Variants in TMEM259 observed in about 807,000 individuals in gnomAD.
TMEM259 encodes transmembrane protein 259.
A neutral mutation model predicts 46.7 loss-of-function variants in TMEM259; 26 were observed. The ratio of observed to expected loss-of-function variants is 0.56; its 90% CI spans 0.41 to 0.77. The LOEUF (loss-of-function observed/expected upper bound fraction) is 0.77, where lower values mean the gene tolerates loss of function less well. TMEM259 is among the 30% of genes least tolerant of loss of function. The pLI, the probability that TMEM259 is intolerant of heterozygous loss-of-function variation, is 0.00. For synonymous variants in TMEM259, 494 were observed against 395.1 expected (o/e 1.25, Z -2.97); for missense variants, 930 against 900.5 (o/e 1.03, Z -0.42).
intron 3 of TMEM259, 60 bp from the exon 4 acceptor site, chr19:1,012,633 A>G: frequency 6.5e-7 from 1 of 1,530,864 alleles, no homozygotes; most frequent in Non-Finnish European, 8.8e-7. Context: ...GCCCACTGCC[A>G]GCAGGCAAGG....
chr19:1,017,951 C>T (rs2039164084), intron 1 of TMEM259, among the ~76,000 whole-genome samples: 1 of 152,124 alleles, frequency 6.6e-6, no homozygotes, highest in African/African-American at 2.4e-5. Flanking sequence ...TGTGACAGGT[C>T]CCCCATTCAG....
rs2038850785 is a variant in TMEM259, at chr19:1,010,128, G to A, written c.*222C>T. On this transcript the variant is annotated 3_prime_UTR_variant, in exon 11 of 11. Transcript: ENST00000356663. ...CCGCGGAACCCCACCCCCTCTCCTT[G>A]CTGACCAGCTCAAACACCTCACTAG... 1 of 511,628 alleles carries A rather than the reference G, an allele frequency of 2.0e-6. No homozygotes were observed. Among genetic ancestry groups the A allele is most frequent in the South Asian group, 3.2e-5 (1 of 31,098 alleles). 31.7% of individuals were successfully genotyped at this position (511,628 alleles called of 1,614,324 possible). A position where few individuals can be genotyped will look rare whatever the true frequency, so the allele number is the denominator to read the frequency against.
chr19:1,012,537 AGT>A lies in TMEM259; in HGVS notation c.642_643del (p.Leu215ArgfsTer43). On this transcript the variant is annotated frameshift_variant, in exon 4 of 11. Coordinates refer to ENST00000356663, the MANE Select transcript of TMEM259 (RefSeq NM_001033026.2). LOFTEE classifies it high-confidence loss of function. ...CGACAGGCGAAGGAAGCCATACTCT[AGT>A]GAGTACTCCACGATGTACTCGTCCT... is the stretch of plus-strand genomic sequence containing the variant. 1 of 1,600,134 alleles carries A rather than the reference AGT, an allele frequency of 6.2e-7. No individual in the cohort carries two copies. The highest frequency in any genetic ancestry group is 8.5e-7 in the Non-Finnish European group (1 of 1,174,510).
intron 1 of TMEM259, among the ~76,000 whole-genome samples, chr19:1,017,072 C>T (rs967125483): frequency 7.9e-5 from 12 of 152,136 alleles, no homozygotes; most frequent in African/African-American, 2.4e-4. Context: ...GCCGCCAAAG[C>T]CTCAGCTCCC....
In TMEM259 at chr19:1,021,020, G is replaced by T. The variant is rs777331833; in HGVS notation, c.-24C>A. 1 of 1,351,840 alleles carries T rather than the reference G, an allele frequency of 7.4e-7. No homozygotes were observed. Among genetic ancestry groups the T allele is most frequent in the South Asian group, 1.7e-5 (1 of 60,132 alleles). The allele number at this position is 1,351,840 out of a possible 1,614,324, so 83.7% of individuals were successfully genotyped here. A position where few individuals can be genotyped will look rare whatever the true frequency, so the allele number is the denominator to read the frequency against. On this transcript the variant is annotated 5_prime_UTR_variant, in exon 1 of 11. Coordinates refer to ENST00000356663, the MANE Select transcript of TMEM259 (RefSeq NM_001033026.2). Reference sequence around the variant, plus strand: ...ATGCCTCCCAGCGTCGCGCCCTAACGACCCGCAAGTGTCCGAGGGCGCCTC... The same window carrying T: ...ATGCCTCCCAGCGTCGCGCCCTAACTACCCGCAAGTGTCCGAGGGCGCCTC...
chr19:1,010,016 C>T lies in TMEM259; in HGVS notation c.*334G>A, dbSNP rs1474562855. Reference sequence around the variant, plus strand: ...CAAGCCGGCCTCTCCTCCACACCTCCGCCTTGCTCAGAGACCTGCACCATG... The same window carrying T: ...CAAGCCGGCCTCTCCTCCACACCTCTGCCTTGCTCAGAGACCTGCACCATG... On this transcript the variant is annotated 3_prime_UTR_variant, in exon 11 of 11. Transcript: ENST00000356663. 8.4e-6 allele frequency: 3 copies of T among 355,720 alleles called. No individual in the cohort carries two copies. The highest frequency in any genetic ancestry group is 4.9e-5 in the East Asian group (1 of 20,206). 22.0% of individuals were successfully genotyped at this position (355,720 alleles called of 1,614,324 possible). A position where few individuals can be genotyped will look rare whatever the true frequency, so the allele number is the denominator to read the frequency against.
chr19:1,018,691 A>G (rs981533385), intron 1 of TMEM259, among the ~76,000 whole-genome samples: 8 of 151,970 alleles, frequency 5.3e-5, no homozygotes, highest in African/African-American at 1.9e-4. Flanking sequence ...CAAAGAACAG[A>G]TTTCCCCACC....
chr19:1,010,295 G>A lies in TMEM259; in HGVS notation c.*55C>T, dbSNP rs1373441207. On this transcript the variant is annotated 3_prime_UTR_variant, in exon 11 of 11. Transcript: ENST00000356663. ...TGGCTGGCCTCCCCCACCCCCACGG[G>A]CTCGGGAAGGTCAGGCCCAGCCAGC... 5 of 1,390,704 alleles carry A rather than the reference G, an allele frequency of 3.6e-6. No homozygotes were observed. The highest frequency in any genetic ancestry group is 3.4e-5 in the Admixed American group (1 of 29,850). 86.1% of individuals were successfully genotyped at this position (1,390,704 alleles called of 1,614,324 possible).
chr19:1,011,354 G>A lies in TMEM259; in HGVS notation c.1217+13C>T, dbSNP rs547755720. On this transcript the variant is annotated intron_variant, in intron 9 of 10. Coordinates refer to ENST00000356663, the MANE Select transcript of TMEM259 (RefSeq NM_001033026.2). Reference sequence around the variant, plus strand: ...CCAGCACCCACTCCACCCTGCCCCCGCGCCACGCTCACCGCAGCCAATGCC... The same window carrying A: ...CCAGCACCCACTCCACCCTGCCCCCACGCCACGCTCACCGCAGCCAATGCC... 3.6e-5 allele frequency: 57 copies of A among 1,568,886 alleles called. No homozygotes were observed. The highest frequency in any genetic ancestry group is 1.9e-4 in the African/African-American group (14 of 73,848).
chr19:1,011,712 G>A (rs749841248), intron 7 of TMEM259, 29 bp downstream of exon 7: 11 of 1,531,506 alleles, frequency 7.2e-6, no homozygotes, highest in Middle Eastern at 1.7e-4. Context: ...GAGGACGCCC[G>A]CCCCGCCCTG....
Position 1,009,950 on chromosome 19 carries a change from C to T in TMEM259, c.*400G>A, listed in dbSNP as rs1431181933. 9.4e-6 allele frequency: 3 copies of T among 319,062 alleles called. No homozygotes were observed. Among genetic ancestry groups the T allele is most frequent in the African/African-American group, 4.4e-5 (2 of 45,944 alleles). 19.8% of individuals were successfully genotyped at this position (319,062 alleles called of 1,614,324 possible). A position where few individuals can be genotyped will look rare whatever the true frequency, so the allele number is the denominator to read the frequency against. ...CACTGCAGGGAGCACCAGGCAGAGC[C>T]GGGCTGAGGCCGGCCGGCACTAGGG... On this transcript the variant is annotated 3_prime_UTR_variant, in exon 11 of 11. Transcript: ENST00000356663.
chr19:1,011,244 G>A (rs1260943586), intron 9 of TMEM259, 49 bp from the exon 10 acceptor site: 1 of 1,548,938 alleles, frequency 6.5e-7, no homozygotes, highest in Non-Finnish European at 8.7e-7. Context: ...ACCCTGCCAG[G>A]CCCAGCCCCT....
At chr19:1,014,749 G>A (rs1278603171) in intron 1 of TMEM259, among the ~76,000 whole-genome samples, 1 of 152,198 alleles carries the variant, frequency 6.6e-6, no homozygotes, top group African/African-American at 2.4e-5. Context: ...GCTCTGACAG[G>A]CCCTGGGGCT....
Position 1,011,353 on chromosome 19 carries a change from C to A in TMEM259, c.1217+14G>T. 6.4e-7 allele frequency: 1 copy of A among 1,568,316 alleles called. No homozygotes were observed. Among genetic ancestry groups the A allele is most frequent in the East Asian group, 2.4e-5 (1 of 42,266 alleles). ...ACCAGCACCCACTCCACCCTGCCCC[C>A]GCGCCACGCTCACCGCAGCCAATGC... On this transcript the variant is annotated intron_variant, in intron 9 of 10. Transcript: ENST00000356663.
intron 1 of TMEM259, among the ~76,000 whole-genome samples, chr19:1,018,343 C>CG (rs1328922110): frequency 1.3e-5 from 2 of 152,142 alleles, no homozygotes; most frequent in Admixed American, 1.3e-4. Context: ...GATGAGGGAC[C>CG]GGGGGGCTCC....
intron 1 of TMEM259, among the ~76,000 whole-genome samples, chr19:1,016,290 C>T (rs549050980): frequency 3.3e-5 from 5 of 152,200 alleles, no homozygotes; most frequent in African/African-American, 1.2e-4. Context: ...AGGGGGGCAG[C>T]CCCGGAGCCT....
chr19:1,013,961 C>T, intron 2 of TMEM259, among the ~76,000 whole-genome samples: 1 of 152,236 alleles, frequency 6.6e-6, no homozygotes, highest in East Asian at 1.9e-4. Flanking sequence ...AAGTCCTCCC[C>T]GAGATCCCCC....
rs1008352619 is a variant in TMEM259, at chr19:1,010,849, A to G, written c.1364T>C (p.Leu455Pro). ...FFHHYELPAI[L>P]QQVRIQEMLL... Reference sequence around the variant, plus strand: ...CATCTCCTGGATGCGGACCTGCTGCAGGATGGCAGGCAGCTCGTAGTGGTG... The same window carrying G: ...CATCTCCTGGATGCGGACCTGCTGCGGGATGGCAGGCAGCTCGTAGTGGTG... Residue 455 changes from leucine (L) to proline (P), a missense_variant, in exon 11 of 11, where the codon CTG becomes CCG. Leu to Pro is a moderately conservative substitution (Grantham distance 98, BLOSUM62 -3). Transcript: ENST00000356663. The G allele has an allele frequency of 1.9e-6, 3 of 1,579,470 alleles. No individual in the cohort carries two copies. The highest frequency in any genetic ancestry group is 1.7e-5 in the Admixed American group (1 of 59,196).
rs1363339007 is a variant in TMEM259 at position 1,014,478 on chromosome 19, G to C, written c.226-5C>G. 11 of 1,602,958 alleles carry C rather than the reference G, an allele frequency of 6.9e-6. No individual in the cohort carries two copies. The highest frequency in any genetic ancestry group is 9.4e-6 in the Non-Finnish European group (11 of 1,173,870). On this transcript the variant is annotated splice_region_variant and splice_polypyrimidine_tract_variant and intron_variant, in intron 1 of 10. Transcript: ENST00000356663. Reference sequence around the variant, plus strand: ...GACGAAGAGCACAAACAGGGCCTAGGGGGCGGCCGGCAGTCAGTGGGGCGC... The same window carrying C: ...GACGAAGAGCACAAACAGGGCCTAGCGGGCGGCCGGCAGTCAGTGGGGCGC...
Sources: gnomAD v4.1 joint callset for allele counts (sites outside exome capture counted in the v4.1 genomes callset) on GRCh38, gnomAD v4.1.1 for gene constraint, MANE v1.5 for transcripts, NCBI Gene and HGNC (gene_info 2026-07-23, HGNC 2026-07-21) for gene names.